The following TIMD4 variants were observed in gnomAD, a reference collection of about 807,000 sequenced individuals.
TIMD4 encodes T-cell immunoglobulin and mucin domain-containing protein 4.
In TIMD4, 31 loss-of-function variants were observed where a neutral mutation model predicts 41.2. The ratio of observed to expected loss-of-function variants is 0.75; its 90% CI spans 0.57 to 1.01. The LOEUF (loss-of-function observed/expected upper bound fraction) is 1.01. Ranked by LOEUF, TIMD4 falls within the 50% of genes least tolerant of loss-of-function variation. The pLI is 0.00. For missense variants in TIMD4, 479 were observed against 472.5 expected, an observed-to-expected ratio of 1.01 and a Z score of -0.13; for synonymous variants, 204 against 177.1, an observed-to-expected ratio of 1.15 and a Z score of -1.21.
chr5:156,947,888 C>CA (rs1373129115), intron 5 of TIMD4, among the ~76,000 whole-genome samples: 1 of 152,058 alleles, frequency 6.6e-6, no homozygotes, highest in African/African-American at 2.4e-5. Flanking sequence ...GCACTCCTAA[C>CA]AAAAATGCAT....
intron 5 of TIMD4, among the ~76,000 whole-genome samples, chr5:156,939,509 C>T (rs1759601118): frequency 6.6e-6 from 1 of 152,118 alleles, no homozygotes; most frequent in Non-Finnish European, 1.5e-5. Flanking sequence ...ATTATTTTGA[C>T]CAGATATAAG....
At chr5:156,951,420 ACT>A (rs1382895511) in intron 3 of TIMD4, 90 bp downstream of exon 3, 4 of 1,478,944 alleles carry the variant, frequency 2.7e-6, no homozygotes, top group Non-Finnish European at 3.7e-6. Flanking sequence ...ACACGCACAC[ACT>A]CACACACACA....
intron 1 of TIMD4, among the ~76,000 whole-genome samples, chr5:156,958,104 T>C (rs1188851282): frequency 2.0e-5 from 3 of 151,800 alleles, no homozygotes; most frequent in African/African-American, 7.3e-5. Context: ...AAAGCCCGTA[T>C]CTACTAAAAA....
chr5:156,951,825 G>A (rs759663840), intron 2 of TIMD4, 35 bp from the exon 3 acceptor site: 65 of 1,610,066 alleles, frequency 4.0e-5, no homozygotes, highest in South Asian at 2.0e-4. Flanking sequence ...GGCACCAAGC[G>A]GAGATGGAGG....
At position 156,954,652 on chromosome 5, in the gene TIMD4, C is replaced by T. The variant is rs765700567; in HGVS notation, c.163G>A (p.Gly55Arg). Reference protein sequence around the residue: ...WSHNSNSMCWGKDQCPYSGCK... With the variant: ...WSHNSNSMCWRKDQCPYSGCK... Reference sequence around the variant, plus strand: ...CCGGAGTAGGGGCACTGGTCTTTCCCCCAGCACATGCTGTTGCTGTTGTGA... The same window carrying T: ...CCGGAGTAGGGGCACTGGTCTTTCCTCCAGCACATGCTGTTGCTGTTGTGA... Residue 55 changes from glycine (G) to arginine (R), a missense_variant, in exon 2 of 9, where the codon GGG becomes AGG. Coordinates refer to ENST00000274532, the MANE Select transcript of TIMD4 (RefSeq NM_138379.3). 13 of 1,614,102 alleles carry T rather than the reference C, an allele frequency of 8.1e-6. No homozygotes were observed. Among genetic ancestry groups the T allele is most frequent in the South Asian group, 1.1e-5 (1 of 91,086 alleles).
chr5:156,922,103 C>A lies in TIMD4; in HGVS notation c.1008G>T (p.Leu336=). ...VLFALFVAFL[L]RGKLMETYCS... is the part of the protein sequence containing the mutation. ...CACCTGGCCCTCCCTCCTTACCTCT[C>A]AGGAGAAACGCCACAAACAATGCGA... is the stretch of plus-strand genomic sequence containing the variant. The change falls in exon 7 of 9, where the codon CTG becomes CTT. Residue 336 remains leucine, a synonymous_variant. Transcript: ENST00000274532. 1 of 1,613,188 alleles carries A rather than the reference C, an allele frequency of 6.2e-7. No homozygotes were observed. The highest frequency in any genetic ancestry group is 1.1e-5 in the South Asian group (1 of 90,900).
At chr5:156,955,799 T>C (rs1248440870) in intron 1 of TIMD4, among the ~76,000 whole-genome samples, 3 of 152,234 alleles carry the variant, frequency 2.0e-5, no homozygotes, top group Non-Finnish European at 2.9e-5. Flanking sequence ...TTGTTTGCTG[T>C]TAGATAATAT....
chr5:156,936,445 A>G (rs1008633724), intron 5 of TIMD4, among the ~76,000 whole-genome samples: 2 of 152,170 alleles, frequency 1.3e-5, no homozygotes, highest in African/African-American at 4.8e-5. Context: ...AGTAGTTCCC[A>G]TTACTGCCCT....
chr5:156,946,331 A>T (rs1223696865), intron 5 of TIMD4, among the ~76,000 whole-genome samples: 1 of 151,936 alleles, frequency 6.6e-6, no homozygotes, highest in African/African-American at 2.4e-5. Flanking sequence ...CCTAATCCAG[A>T]TTTTCTGTTT....
At chr5:156,920,614 G>T in intron 7 of TIMD4, 111 bp from the exon 8 acceptor site, 1 of 1,092,900 alleles carries the variant, frequency 9.1e-7, no homozygotes, top group Non-Finnish European at 1.4e-6. Context: ...GGCCAAAGGT[G>T]AGAACCAGTG....
intron 2 of TIMD4, among the ~76,000 whole-genome samples, chr5:156,952,132 A>T (rs1044508110): frequency 6.6e-6 from 1 of 152,004 alleles, no homozygotes; most frequent in Non-Finnish European, 1.5e-5. Flanking sequence ...TCTACTAAAA[A>T]TACAAAAATT....
chr5:156,926,183 C>T lies in TIMD4; in HGVS notation c.894+80G>A, dbSNP rs186878486. ...CCTCCCAAAGTGCTGGGATTATAGG[C>T]ATGAGCCACCGTGCCTGGCCACTAC... On this transcript the variant is annotated intron_variant, in intron 6 of 8. Coordinates refer to ENST00000274532, the MANE Select transcript of TIMD4 (RefSeq NM_138379.3). 7.5e-6 allele frequency: 11 copies of T among 1,466,326 alleles called. No homozygotes were observed. In the East Asian group the frequency reaches 1.9e-4, roughly 25 times the overall value. The allele number at this position is 1,466,326 out of a possible 1,614,324, so 90.8% of individuals were successfully genotyped here.
chr5:156,936,932 GAA>G (rs979433463), intron 5 of TIMD4, among the ~76,000 whole-genome samples: 21 of 92,588 alleles, frequency 2.3e-4, no homozygotes, highest in Admixed American at 2.5e-4. Context: ...ACTCCGTCTG[GAA>G]AAAAAAAAAA....
At chr5:156,941,142 T>C (rs1456378289) in intron 5 of TIMD4, among the ~76,000 whole-genome samples, 1 of 151,906 alleles carries the variant, frequency 6.6e-6, no homozygotes. Flanking sequence ...TCATCACCAC[T>C]CCCTAATCTC....
intron 1 of TIMD4, among the ~76,000 whole-genome samples, chr5:156,961,898 A>G (rs150306027): frequency 2.3e-4 from 35 of 151,982 alleles, no homozygotes; most frequent in African/African-American, 7.5e-4. Flanking sequence ...CCATAAAAAA[A>G]GAATGAAACT....
Position 156,923,143 on chromosome 5 carries a change from A to AT in TIMD4, c.895-928dup, listed in dbSNP as rs375276732. ...AAGCTCCTGCCATTGCTGGGATTAA[A>AT]TTTTTTTTTTTTTTTTTTTTTTTGA... is the stretch of plus-strand genomic sequence containing the variant. On this transcript the variant is annotated intron_variant, in intron 6 of 8. Coordinates refer to ENST00000274532, the MANE Select transcript of TIMD4 (RefSeq NM_138379.3). 7.1e-3 allele frequency among the ~76,000 whole-genome samples: 959 copies of AT among 134,994 alleles called. 6 individuals carry two copies. The highest frequency in any genetic ancestry group is 0.015 in the South Asian group (63 of 4,194). The allele number at this position is 134,994 out of a possible 152,430, so 88.6% of individuals were successfully genotyped here.
chr5:156,954,624 C>A lies in TIMD4; in HGVS notation c.191G>T (p.Cys64Phe). 1 of 1,614,234 alleles carries A rather than the reference C, an allele frequency of 6.2e-7. No homozygotes were observed. The highest frequency in any genetic ancestry group is 1.1e-5 in the South Asian group (1 of 91,078). The change falls in exon 2 of 9, where the codon TGC (cysteine) becomes TTC (phenylalanine). Residue 64 changes from cysteine (C) to phenylalanine (F), a missense_variant. By Grantham distance (205) the Cys-to-Phe change is radical. Coordinates refer to ENST00000274532, the MANE Select transcript of TIMD4 (RefSeq NM_138379.3). ...WGKDQCPYSG[C>F]KEALIRTDGM... ...ATCAGTGCGGATGAGCGCCTCCTTG[C>A]AACCGGAGTAGGGGCACTGGTCTTT...
At chr5:156,939,228 C>A (rs1296467875) in intron 5 of TIMD4, among the ~76,000 whole-genome samples, 2 of 152,302 alleles carry the variant, frequency 1.3e-5, no homozygotes, top group South Asian at 4.1e-4. Flanking sequence ...ATTTTTTAAC[C>A]TCTTCAAGCC....
chr5:156,961,555 C>T (rs1225009234), intron 1 of TIMD4, among the ~76,000 whole-genome samples: 1 of 151,774 alleles, frequency 6.6e-6, no homozygotes, highest in South Asian at 2.1e-4. Flanking sequence ...ATAAGCCCAG[C>T]ACTTTGGGAG....
Sources: allele counts gnomAD v4.1 joint callset (sites outside exome capture counted in the v4.1 genomes callset), GRCh38; gene constraint gnomAD v4.1.1; transcripts MANE v1.5; gene names NCBI Gene and HGNC (gene_info 2026-07-23, HGNC 2026-07-21).